PTPDC1: variants seen among roughly 807,000 people sequenced by gnomAD.
PTPDC1 encodes protein tyrosine phosphatase domain containing 1.
A neutral mutation model predicts 75.3 loss-of-function variants in PTPDC1; 53 were observed. That is an observed-to-expected ratio of 0.70 (90% CI 0.56 to 0.88). The LOEUF (loss-of-function observed/expected upper bound fraction) is 0.88, where lower values mean the gene tolerates loss of function less well. Among genes scored for constraint, PTPDC1 ranks in the 40% least tolerant of loss-of-function variants. PTPDC1 has a pLI of 0.00. For missense variants in PTPDC1, 925 were observed against 998.6 expected (o/e 0.93, Z 0.99); for synonymous variants, 349 against 366.2 (o/e 0.95, Z 0.54).
At position 94,108,679 on chromosome 9, in the gene PTPDC1, A is replaced by G. The variant is rs1828105274; in HGVS notation, c.*735A>G. ...CAAAAGGAGGCAGGAGCAGTTCTCA[A>G]CACACCAAGCCTTATTCCCACTCCC... is the stretch of plus-strand genomic sequence containing the variant. On this transcript the variant is annotated 3_prime_UTR_variant, in exon 9 of 9. Coordinates refer to ENST00000620992, the MANE Select transcript of PTPDC1 (RefSeq NM_001253829.2). The G allele has an allele frequency of 1.3e-5, 2 of 152,254 alleles. No homozygotes were observed. Among genetic ancestry groups the G allele is most frequent in the African/African-American group, 4.8e-5 (2 of 41,460 alleles). The allele number at this position is 152,254 out of a possible 1,614,324, so 9.4% of individuals were successfully genotyped here.
intron 1 of PTPDC1, among the ~76,000 whole-genome samples, chr9:94,054,876 G>C (rs780438787): frequency 2.0e-5 from 3 of 152,186 alleles, no homozygotes; most frequent in African/African-American, 7.2e-5. Context: ...AGTCAACCTG[G>C]CCAGCATAAG....
intron 1 of PTPDC1, among the ~76,000 whole-genome samples, chr9:94,033,246 A>G (rs965061391): frequency 6.6e-6 from 1 of 152,218 alleles, no homozygotes; most frequent in Non-Finnish European, 1.5e-5. Context: ...GGATGGGAAA[A>G]TGTATACATC....
intron 1 of PTPDC1, among the ~76,000 whole-genome samples, chr9:94,054,180 G>C (rs117432095): frequency 1.3e-5 from 2 of 152,200 alleles, no homozygotes; most frequent in Non-Finnish European, 2.9e-5. Context: ...TAATGTATTA[G>C]ATGTGTTTTC....
chr9:94,083,469 A>G (rs1826960125), upstream of PTPDC1, among the ~76,000 whole-genome samples: 1 of 151,742 alleles, frequency 6.6e-6, no homozygotes, highest in Non-Finnish European at 1.5e-5. Flanking sequence ...AAAAAAAAAA[A>G]TAGAAAATAG....
In PTPDC1 at chr9:94,098,185, A is replaced by C; in HGVS notation, c.1619A>C (p.Gln540Pro). The C allele has an allele frequency of 4.3e-6, 7 of 1,614,254 alleles. No individual in the cohort carries two copies. The highest frequency in any genetic ancestry group is 5.9e-6 in the Non-Finnish European group (7 of 1,180,046). ...AGGATCATTCCAAAGGAAGCACAGC[A>C]GAGTGGAGCTTTCTCTGCAGATGTT... ...HGRIIPKEAQ[Q>P]SGAFSADVSG... is the part of the protein sequence containing the mutation. Residue 540 changes from glutamine to proline, a missense_variant, in exon 6 of 9, where the codon CAG becomes CCG. Physicochemically the swap from Gln to Pro is moderately conservative, Grantham distance 76 (BLOSUM62 -1). Coordinates refer to ENST00000620992, the MANE Select transcript of PTPDC1 (RefSeq NM_001253829.2).
chr9:94,098,508 G>GC lies in PTPDC1; in HGVS notation c.1944dup (p.Lys649GlnfsTer8). On this transcript the variant is annotated frameshift_variant, in exon 6 of 9. Transcript: ENST00000620992. LOFTEE classifies it high-confidence loss of function. ...TGCTGAGGCAAGAAGAATACTGGCG[G>GC]CCAAAGCCCTAGCAAATTTAAATGA... The GC allele has an allele frequency of 6.2e-7, 1 of 1,614,160 alleles. No homozygotes were observed. Among genetic ancestry groups the GC allele is most frequent in the South Asian group, 1.1e-5 (1 of 91,084 alleles).
At chr9:94,091,730 G>C (rs1430905249) in intron 4 of PTPDC1, among the ~76,000 whole-genome samples, 1 of 152,126 alleles carries the variant, frequency 6.6e-6, no homozygotes, top group Non-Finnish European at 1.5e-5. Context: ...TTTTTGGTTG[G>C]TAAGCTATTG....
upstream of PTPDC1, among the ~76,000 whole-genome samples, chr9:94,083,327 T>C (rs1826952130): frequency 2.0e-5 from 3 of 152,280 alleles, no homozygotes; most frequent in South Asian, 6.2e-4. Context: ...GGCATGATAC[T>C]ATACATAGAG....
chr9:94,062,133 C>T (rs1471964920), intron 1 of PTPDC1, among the ~76,000 whole-genome samples: 2 of 152,158 alleles, frequency 1.3e-5, no homozygotes, highest in African/African-American at 2.4e-5. Flanking sequence ...GAAATTTCTT[C>T]CACTAGATAC....
At position 94,101,734 on chromosome 9, in the gene PTPDC1, CT is replaced by C. The variant is rs751575326; in HGVS notation, c.2189del (p.Leu730TyrfsTer2). On this transcript the variant is annotated frameshift_variant, in exon 7 of 9. Transcript: ENST00000620992. LOFTEE classifies it high-confidence loss of function. The stretch of plus-strand genomic sequence containing the variant: ...CAGGCGAGCAGATGCCGCAGAAGCA[CT>C]TTTTTTATTAGAGAAGGTAAAGTGG... ...VDRRADAAEA[L>X]FLLEKGQHQT... 1.2e-6 allele frequency: 2 copies of C among 1,609,632 alleles called. No individual in the cohort carries two copies. Among genetic ancestry groups the C allele is most frequent in the Non-Finnish European group, 8.5e-7 (1 of 1,177,440 alleles).
At chr9:94,106,766 A>G (rs1263708561) in intron 8 of PTPDC1, among the ~76,000 whole-genome samples, 3 of 152,152 alleles carry the variant, frequency 2.0e-5, no homozygotes, top group Non-Finnish European at 4.4e-5. Context: ...ATTCTTTCCC[A>G]GGGAGTTACA....
At chr9:94,068,006 A>G (rs181496765) in intron 2 of PTPDC1, among the ~76,000 whole-genome samples, 1 of 152,172 alleles carries the variant, frequency 6.6e-6, no homozygotes, top group East Asian at 1.9e-4. Context: ...CACAACCTGT[A>G]TTTTGCTGAT....
At chr9:94,031,392 A>G (rs1829723543) in intron 1 of PTPDC1, among the ~76,000 whole-genome samples, 1 of 152,014 alleles carries the variant, frequency 6.6e-6, no homozygotes, top group South Asian at 2.1e-4. Flanking sequence ...CAGATTTTTC[A>G]TGAGAAGTTG....
In PTPDC1 at chr9:94,098,159, A is replaced by C; in HGVS notation, c.1593A>C (p.Gly531=). ...ATAATGGGTCACCAATTTTCCATGG[A>C]AGGATCATTCCAAAGGAAGCACAGC... ...LKDNGSPIFH[G]RIIPKEAQQS... is the part of the protein sequence containing the mutation. Residue 531 remains glycine (G), a synonymous_variant, in exon 6 of 9, where the codon GGA becomes GGC. Transcript: ENST00000620992. 6.2e-7 allele frequency: 1 copy of C among 1,614,214 alleles called. No individual in the cohort carries two copies. The highest frequency in any genetic ancestry group is 1.1e-5 in the South Asian group (1 of 91,088).
intron 1 of PTPDC1, among the ~76,000 whole-genome samples, chr9:94,035,679 T>C (rs1372679910): frequency 6.6e-6 from 1 of 152,252 alleles, no homozygotes. Flanking sequence ...TTCAAATCTT[T>C]TGGGTAAATA....
At chr9:94,067,389 CAAAAAA>C (rs1157733841) in intron 2 of PTPDC1, among the ~76,000 whole-genome samples, 3,862 of 143,272 alleles carry the variant, frequency 0.027, 166 homozygotes, top group African/African-American at 0.093. Context: ...GACTCCATCT[CAAAAAA>C]AAAAAATAAT....
chr9:94,044,788 T>A (rs1183226636), intron 1 of PTPDC1, among the ~76,000 whole-genome samples: 1 of 151,682 alleles, frequency 6.6e-6, no homozygotes, highest in Admixed American at 6.6e-5. Flanking sequence ...GTAGAAGTGG[T>A]GAGAGAGCAC....
At chr9:94,102,888 T>C (rs1226794919) in intron 7 of PTPDC1, among the ~76,000 whole-genome samples, 1 of 152,154 alleles carries the variant, frequency 6.6e-6, no homozygotes, top group Admixed American at 6.5e-5. Context: ...TGTTTTTGTT[T>C]TAACAAACAA....
intron 2 of PTPDC1, 95 bp downstream of exon 2, chr9:94,085,517 G>A: frequency 7.4e-7 from 1 of 1,356,228 alleles, no homozygotes; most frequent in South Asian, 1.4e-5. Flanking sequence ...GAGCAGTGTG[G>A]GACTTTGAAG....
Sources: gnomAD v4.1 joint callset for allele counts (sites outside exome capture counted in the v4.1 genomes callset) on GRCh38, gnomAD v4.1.1 for gene constraint, MANE v1.5 for transcripts, NCBI Gene and HGNC (gene_info 2026-07-23, HGNC 2026-07-21) for gene names.